Variants in ATF7 observed in about 807,000 individuals in gnomAD.
ATF7 encodes cyclic AMP-dependent transcription factor ATF-7.
Under a neutral mutation model 50.4 loss-of-function variants are expected in ATF7, and 10 were observed. That is an observed-to-expected ratio of 0.20 (90% CI 0.12 to 0.34). The LOEUF (loss-of-function observed/expected upper bound fraction) is 0.34. Among genes scored for constraint, ATF7 ranks in the 10% least tolerant of loss-of-function variants. The pLI is 1.00. For synonymous variants in ATF7, 201 were observed against 226.4 expected, an observed-to-expected ratio of 0.89 and a Z score of 1.01; for missense variants, 465 against 613.9, an observed-to-expected ratio of 0.76 and a Z score of 2.56.
chr12:53,534,119 T>C (rs940677264), intron 6 of ATF7, among the ~76,000 whole-genome samples: 1 of 151,938 alleles, frequency 6.6e-6, no homozygotes, highest in African/African-American at 2.4e-5. Context: ...CTACTAAAAA[T>C]ACAAAAAATT....
intron 9 of ATF7, among the ~76,000 whole-genome samples, chr12:53,529,356 C>T (rs569793984): frequency 7.9e-5 from 12 of 151,860 alleles, no homozygotes; most frequent in Non-Finnish European, 1.3e-4. Flanking sequence ...TGCGCCACCA[C>T]GCCTGGCTAA....
chr12:53,543,332 T>G lies in ATF7; in HGVS notation c.262A>C (p.Lys88Gln). The G allele has an allele frequency of 6.3e-7, 1 of 1,582,504 alleles. No homozygotes were observed. The highest frequency in any genetic ancestry group is 8.6e-7 in the Non-Finnish European group (1 of 1,162,694). ...TTGGCAACAGTCCTGCTTCTTGCCT[T>G]TTTCTCATCCTCATCTGCAGCTTTC... ...FKKAADEDEKKAAAGPLDMSL... is the reference protein window; with the variant it reads ...FKKAADEDEKQAAAGPLDMSL... Residue 88 changes from lysine to glutamine, a missense_variant and splice_region_variant, in exon 4 of 12, where the codon AAG becomes CAG. Coordinates refer to ENST00000420353, the MANE Select transcript of ATF7 (RefSeq NM_006856.3).
intron 2 of ATF7, among the ~76,000 whole-genome samples, chr12:53,590,478 G>A (rs1240088925): frequency 6.6e-6 from 1 of 152,158 alleles, no homozygotes; most frequent in African/African-American, 2.4e-5. Flanking sequence ...GAGATCAAAT[G>A]CTCTACTTCC....
chr12:53,536,254 A>G (rs948461671), intron 5 of ATF7, among the ~76,000 whole-genome samples: 1 of 150,470 alleles, frequency 6.6e-6, no homozygotes, highest in African/African-American at 2.4e-5. Flanking sequence ...GGATTCACTC[A>G]CATTGCTGTG....
intron 7 of ATF7, 52 bp from the exon 8 acceptor site, chr12:53,532,675 G>A (rs1027833986): frequency 2.6e-5 from 34 of 1,319,618 alleles, no homozygotes; most frequent in Admixed American, 1.1e-4. Flanking sequence ...TAATACCATC[G>A]GTGGGGCAAC....
chr12:53,606,106 T>A (rs1489339867), intron 1 of ATF7, among the ~76,000 whole-genome samples: 1 of 152,146 alleles, frequency 6.6e-6, no homozygotes, highest in Non-Finnish European at 1.5e-5. Context: ...TTGGTTACAC[T>A]GCTAAAAATG....
At chr12:53,594,941 C>T (rs1032505333) in intron 2 of ATF7, among the ~76,000 whole-genome samples, 11 of 150,708 alleles carry the variant, frequency 7.3e-5, no homozygotes, top group South Asian at 2.1e-4. Context: ...CTATATGATA[C>T]GTAAGAGCGG....
chr12:53,587,896 G>A (rs952296705), intron 2 of ATF7, among the ~76,000 whole-genome samples: 2 of 139,312 alleles, frequency 1.4e-5, no homozygotes, highest in Non-Finnish European at 3.1e-5. Context: ...ACCCAGGCTG[G>A]AGTGCAATGG....
intron 3 of ATF7, among the ~76,000 whole-genome samples, chr12:53,549,152 C>T (rs1940145132): frequency 1.3e-5 from 2 of 150,786 alleles, no homozygotes; most frequent in East Asian, 2.0e-4. Context: ...CCAGGTGTGG[C>T]GGCGGGCGCC....
intron 2 of ATF7, among the ~76,000 whole-genome samples, chr12:53,591,041 A>G (rs1352361725): frequency 6.6e-6 from 1 of 152,208 alleles, no homozygotes; most frequent in Non-Finnish European, 1.5e-5. Flanking sequence ...ATAATGTATT[A>G]ATATTTGGTT....
intron 2 of ATF7, among the ~76,000 whole-genome samples, chr12:53,590,399 A>G (rs1942890112): frequency 6.6e-6 from 1 of 152,198 alleles, no homozygotes; most frequent in Non-Finnish European, 1.5e-5. Flanking sequence ...CTTCAATCAT[A>G]TATAAGGCTG....
chr12:53,561,433 G>C (rs1280954470), intron 2 of ATF7, among the ~76,000 whole-genome samples: 5 of 151,660 alleles, frequency 3.3e-5, no homozygotes, highest in Non-Finnish European at 7.4e-5. Context: ...AGAAATAACT[G>C]ATCTTTTTTT....
chr12:53,612,804 G>A (rs1943950240), intron 1 of ATF7, among the ~76,000 whole-genome samples: 1 of 152,292 alleles, frequency 6.6e-6, no homozygotes, highest in Middle Eastern at 3.4e-3. Context: ...AGGAGTTCGA[G>A]ACCAGCTTGG....
chr12:53,519,563 G>A (rs565912435), intron 11 of ATF7, among the ~76,000 whole-genome samples: 2 of 151,890 alleles, frequency 1.3e-5, no homozygotes, highest in African/African-American at 2.4e-5. Flanking sequence ...TGAGCTGGGC[G>A]TGGTGGTGCC....
chr12:53,587,498 AC>A (rs1232548636), intron 2 of ATF7, among the ~76,000 whole-genome samples: 1 of 151,154 alleles, frequency 6.6e-6, no homozygotes, highest in Non-Finnish European at 1.5e-5. Context: ...ATATGGTGAA[AC>A]CCCATCTCTA....
At chr12:53,534,101 C>G (rs1939071785) in intron 6 of ATF7, among the ~76,000 whole-genome samples, 1 of 152,140 alleles carries the variant, frequency 6.6e-6, no homozygotes, top group South Asian at 2.1e-4. Context: ...CACGGTGAAA[C>G]CCCGTCTCTA....
chr12:53,584,137 C>T (rs1031594834), intron 2 of ATF7, among the ~76,000 whole-genome samples: 6 of 152,148 alleles, frequency 3.9e-5, no homozygotes, highest in East Asian at 1.9e-4. Flanking sequence ...CTTGCCACCA[C>T]GCCCAGCTAA....
At chr12:53,551,698 T>C (rs769358556) in intron 3 of ATF7, among the ~76,000 whole-genome samples, 6 of 152,216 alleles carry the variant, frequency 3.9e-5, no homozygotes, top group Non-Finnish European at 5.9e-5. Flanking sequence ...ATGTCTATGG[T>C]AGCATTTTGG....
At chr12:53,577,685 C>T (rs1221894222) in intron 2 of ATF7, among the ~76,000 whole-genome samples, 3 of 145,736 alleles carry the variant, frequency 2.1e-5, no homozygotes, top group Non-Finnish European at 3.0e-5. Flanking sequence ...CACTGCAGTC[C>T]GGCCTGGGAG....
Sources: allele counts gnomAD v4.1 joint callset (sites outside exome capture counted in the v4.1 genomes callset), GRCh38; gene constraint gnomAD v4.1.1; transcripts MANE v1.5; gene names NCBI Gene and HGNC (gene_info 2026-07-23, HGNC 2026-07-21).